Variants in PCDHGB2 observed in about 807,000 individuals in gnomAD.
PCDHGB2 encodes the protein protocadherin gamma-B2.
In PCDHGB2, 55 loss-of-function variants were observed where a neutral mutation model predicts 59.3. That is an observed-to-expected ratio of 0.93 (90% CI 0.75 to 1.16). PCDHGB2 has a LOEUF of 1.16. Among genes scored for constraint, PCDHGB2 ranks in the 50% most tolerant of loss-of-function variants. PCDHGB2 has a pLI of 0.00. For missense variants in PCDHGB2, 1,228 were observed against 1,198.5 expected, an observed-to-expected ratio of 1.02 and a Z score of -0.36; for synonymous variants, 516 against 512.0, an observed-to-expected ratio of 1.01 and a Z score of -0.11.
intron 2 of PCDHGB2, among the ~76,000 whole-genome samples, chr5:141,497,006 T>C (rs947830895): frequency 1.3e-5 from 2 of 151,678 alleles, no homozygotes; most frequent in South Asian, 2.1e-4. Context: ...GCAGCCAACA[T>C]GGTGAAACCC....
At chr5:141,398,593 G>A (rs2093676056) in intron 1 of PCDHGB2, 1 of 1,614,044 alleles carries the variant, frequency 6.2e-7, no homozygotes, top group Non-Finnish European at 8.5e-7. Flanking sequence ...TATACTAGAA[G>A]TAGCAGAAGA....
intron 1 of PCDHGB2, chr5:141,418,451 A>AG (rs2096259161): frequency 3.1e-6 from 5 of 1,614,046 alleles, no homozygotes; most frequent in Non-Finnish European, 4.2e-6. Context: ...AGTATTGCAG[A>AG]AGACTCTGGA....
intron 1 of PCDHGB2, chr5:141,384,783 G>C (rs768506502): frequency 1.4e-5 from 22 of 1,613,560 alleles, no homozygotes; most frequent in East Asian, 2.2e-5. Context: ...AGGTGCGCAC[G>C]GCTCGGGCCC....
Position 141,383,402 on chromosome 5 carries a change from A to T in PCDHGB2, c.2421+20846A>T, listed in dbSNP as rs757890929. 4.3e-6 allele frequency: 7 copies of T among 1,614,034 alleles called. No individual in the cohort carries two copies. In the Admixed American group the frequency reaches 8.3e-5, roughly 19 times the overall value. The stretch of plus-strand genomic sequence containing the variant: ...CCAGATGTGGGCACGAACTCCCTCC[A>T]GAGTTACCAGCTCAGCCCCAATCGC... On this transcript the variant is annotated intron_variant, in intron 1 of 3. Transcript: ENST00000522605.
intron 1 of PCDHGB2, chr5:141,367,483 G>A (rs971322037): frequency 1.5e-4 from 23 of 152,288 alleles, no homozygotes; most frequent in African/African-American, 5.5e-4. Flanking sequence ...CTTGCAGTAA[G>A]CCGAGATCGC....
chr5:141,437,782 A>C (rs1410096491), intron 1 of PCDHGB2, among the ~76,000 whole-genome samples: 1 of 151,512 alleles, frequency 6.6e-6, no homozygotes, highest in African/African-American at 2.4e-5. Context: ...TCTGTCGCCA[A>C]GCTGGAGTGC....
intron 1 of PCDHGB2, chr5:141,479,646 A>G (rs2099501987): frequency 6.6e-6 from 1 of 152,256 alleles, no homozygotes; most frequent in Admixed American, 6.5e-5. Context: ...CAACAACAAC[A>G]ACAACAATCC....
intron 1 of PCDHGB2, among the ~76,000 whole-genome samples, chr5:141,452,137 GT>G (rs2098734666): frequency 6.6e-6 from 1 of 152,044 alleles, no homozygotes; most frequent in Non-Finnish European, 1.5e-5. Flanking sequence ...TGGCTCATGT[GT>G]TTTTTCCAAT....
chr5:141,441,762 C>T (rs3805697), intron 1 of PCDHGB2: 63,073 of 367,490 alleles, frequency 0.17, 6,544 homozygotes, highest in Admixed American at 0.27. Context: ...CGTGAGCCTG[C>T]GCGTGTTGGT....
intron 1 of PCDHGB2, chr5:141,374,825 C>T: frequency 1.2e-6 from 2 of 1,613,896 alleles, no homozygotes; most frequent in Non-Finnish European, 1.7e-6. Context: ...GCCTGTCTAC[C>T]GTGTAAGTGT....
intron 1 of PCDHGB2, chr5:141,382,738 C>A (rs1464522704): frequency 1.7e-6 from 1 of 572,972 alleles, no homozygotes; most frequent in East Asian, 2.8e-5. Context: ...CACAGAGAAA[C>A]GACAGATTGC....
intron 1 of PCDHGB2, chr5:141,421,214 G>T (rs1469085534): frequency 5.1e-6 from 8 of 1,561,612 alleles, no homozygotes; most frequent in Non-Finnish European, 6.9e-6. Flanking sequence ...CGGAATATCG[G>T]CTTAGAGCCT....
At chr5:141,378,382 G>C (rs1774857490) in intron 1 of PCDHGB2, 1 of 152,274 alleles carries the variant, frequency 6.6e-6, no homozygotes, top group South Asian at 2.1e-4. Context: ...AATTAGCCAG[G>C]TGGGGTGGCA....
At chr5:141,451,127 CT>C (rs1264048458) in intron 1 of PCDHGB2, among the ~76,000 whole-genome samples, 1 of 152,132 alleles carries the variant, frequency 6.6e-6, no homozygotes, top group Non-Finnish European at 1.5e-5. Context: ...CACACCCAGC[CT>C]TATGATTGTA....
intron 1 of PCDHGB2, chr5:141,422,608 T>A: frequency 5.0e-6 from 8 of 1,613,956 alleles, no homozygotes; most frequent in Non-Finnish European, 5.1e-6. Context: ...TTACTCTGCC[T>A]ACATTCCCGA....
At chr5:141,460,924 A>ATATG (rs1561985817) in intron 1 of PCDHGB2, among the ~76,000 whole-genome samples, 10 of 150,588 alleles carry the variant, frequency 6.6e-5, no homozygotes, top group East Asian at 3.9e-4. Flanking sequence ...ATATATATAT[A>ATATG]TGTGTGTGTG....
chr5:141,454,796 A>ATTTTTTTT (rs61612330), intron 1 of PCDHGB2, among the ~76,000 whole-genome samples: 1,488 of 77,444 alleles, frequency 0.019, 251 homozygotes, highest in African/African-American at 0.042. Flanking sequence ...CATGGTTCTA[A>ATTTTTTTT]TTTTTTTTTT....
chr5:141,382,690 G>T, intron 1 of PCDHGB2: 1 of 448,422 alleles, frequency 2.2e-6, no homozygotes, highest in Middle Eastern at 5.6e-4. Flanking sequence ...AGGGAAAAAT[G>T]GTGCGAGAGA....
At chr5:141,392,973 C>A (rs1405082783) in intron 1 of PCDHGB2, 1 of 1,613,888 alleles carries the variant, frequency 6.2e-7, no homozygotes, top group South Asian at 1.1e-5. Flanking sequence ...GGACCTGGGG[C>A]TGGACCCCCG....
Sources: allele counts gnomAD v4.1 joint callset (sites outside exome capture counted in the v4.1 genomes callset), GRCh38; gene constraint gnomAD v4.1.1; transcripts MANE v1.5; gene names NCBI Gene and HGNC (gene_info 2026-07-23, HGNC 2026-07-21).